Variants in BTRC observed in about 807,000 individuals in gnomAD.
BTRC encodes the protein beta-transducin repeat containing E3 ubiquitin protein ligase.
In BTRC, 42 loss-of-function variants were observed where a neutral mutation model predicts 85.5. The observed-to-expected ratio is 0.49, with a 90% CI of 0.38 to 0.64. BTRC has a LOEUF of 0.64. BTRC is among the 30% of genes least tolerant of loss of function. The pLI, the probability that BTRC is intolerant of heterozygous loss-of-function variation, is 0.00. For missense variants in BTRC, 594 were observed against 743.5 expected, an observed-to-expected ratio of 0.80 and a Z score of 2.34; for synonymous variants, 255 against 263.3, an observed-to-expected ratio of 0.97 and a Z score of 0.30.
chr10:101,381,314 G>A (rs1256948768), intron 1 of BTRC, among the ~76,000 whole-genome samples: 4 of 152,156 alleles, frequency 2.6e-5, no homozygotes, highest in Non-Finnish European at 4.4e-5. Context: ...AGATCAAACA[G>A]TTTGTGAATG....
intron 1 of BTRC, among the ~76,000 whole-genome samples, chr10:101,416,066 T>C (rs1263392488): frequency 6.6e-6 from 1 of 152,200 alleles, no homozygotes; most frequent in Non-Finnish European, 1.5e-5. Context: ...TAGTGATGCA[T>C]TTCTCAGAAT....
At chr10:101,508,937 C>T (rs376880904) in intron 4 of BTRC, among the ~76,000 whole-genome samples, 1 of 98,428 alleles carries the variant, frequency 1.0e-5, no homozygotes, top group Non-Finnish European at 2.4e-5. Context: ...AAAAAAAAAA[C>T]TAAAAGTAGA....
At chr10:101,424,246 A>G (rs559144338) in intron 1 of BTRC, among the ~76,000 whole-genome samples, 112 of 152,294 alleles carry the variant, frequency 7.4e-4, no homozygotes, top group African/African-American at 2.6e-3. Context: ...AAGAAAAAAA[A>G]AGAATCCTTG....
intron 1 of BTRC, among the ~76,000 whole-genome samples, chr10:101,411,196 G>A (rs1295478586): frequency 6.6e-6 from 1 of 151,954 alleles, no homozygotes; most frequent in Admixed American, 6.6e-5. Flanking sequence ...ATTTCACCAT[G>A]TTGGCCAGGC....
At chr10:101,364,405 A>G (rs1401357432) in intron 1 of BTRC, among the ~76,000 whole-genome samples, 1 of 152,154 alleles carries the variant, frequency 6.6e-6, no homozygotes, top group Non-Finnish European at 1.5e-5. Context: ...GCTTGATGTC[A>G]CTGGAATGGC....
chr10:101,548,967 C>T (rs372912956), intron 13 of BTRC, among the ~76,000 whole-genome samples: 5 of 151,058 alleles, frequency 3.3e-5, no homozygotes, highest in African/African-American at 7.3e-5. Context: ...GCAGGAGAAT[C>T]GCTTGAACCC....
chr10:101,517,909 C>G (rs200568330), intron 4 of BTRC, among the ~76,000 whole-genome samples: 1 of 116,142 alleles, frequency 8.6e-6, no homozygotes, highest in African/African-American at 3.0e-5. Flanking sequence ...GAAGTAGTGT[C>G]TTTTTTTTTT....
intron 14 of BTRC, chr10:101,551,181 G>T: frequency 4.3e-6 from 1 of 232,360 alleles, no homozygotes; most frequent in Middle Eastern, 1.3e-3. Flanking sequence ...AATGAGATTT[G>T]AATCAGTTTG....
chr10:101,366,976 TTATATATTTATATATATTAATA>T (rs1311082187), intron 1 of BTRC, among the ~76,000 whole-genome samples: 1 of 58,806 alleles, frequency 1.7e-5, no homozygotes, highest in African/African-American at 6.1e-5. Context: ...AAATATATAT[TTATATATTTATATATATTAATA>T]TATATATTTA....
At chr10:101,542,243 GAGCAT>G (rs1443692246) in intron 13 of BTRC, among the ~76,000 whole-genome samples, 1 of 151,806 alleles carries the variant, frequency 6.6e-6, no homozygotes, top group African/African-American at 2.4e-5. Flanking sequence ...TGCCTGTTAG[GAGCAT>G]AGTCCTGTTT....
At chr10:101,432,185 T>A (rs967663416) in intron 2 of BTRC, among the ~76,000 whole-genome samples, 7 of 151,796 alleles carry the variant, frequency 4.6e-5, no homozygotes, top group African/African-American at 1.5e-4. Context: ...TAGAGTGCAG[T>A]GGCACAATCT....
Position 101,389,119 on chromosome 10 carries a change from GTTTT to G in BTRC, c.48+34917_48+34920del, listed in dbSNP as rs1188561028. Among the ~76,000 whole-genome samples, 15 of 41,548 alleles carry G rather than the reference GTTTT, an allele frequency of 3.6e-4. No homozygotes were observed. The East Asian group carries it at 4.1e-3, about 11-fold the overall frequency. 27.3% of individuals were successfully genotyped at this position (41,548 alleles called of 152,430 possible). ...TGCATAATTGTGATTTTTTGTGTGT[GTTTT>G]TTTTTTTTTTTTTTTTTTTTTTTTT... On this transcript the variant is annotated intron_variant, in intron 1 of 14. Transcript: ENST00000370187.
rs187981658 is a variant in BTRC at position 101,541,549 on chromosome 10, C to T, written c.1656+3178C>T. Among the ~76,000 whole-genome samples the T allele has an allele frequency of 3.6e-4, 55 of 152,242 alleles. 1 individual carries two copies. The East Asian group carries it at 9.4e-3, about 26-fold the overall frequency. On this transcript the variant is annotated intron_variant, in intron 13 of 14. Transcript: ENST00000370187. Reference sequence around the variant, plus strand: ...TGCTGGGATTACAGGCGTGAACCACCGCGCCCGGCCTAGGGTTTTTCATAG... The same window carrying T: ...TGCTGGGATTACAGGCGTGAACCACTGCGCCCGGCCTAGGGTTTTTCATAG...
At chr10:101,392,959 G>A (rs533270278) in intron 1 of BTRC, among the ~76,000 whole-genome samples, 65 of 152,238 alleles carry the variant, frequency 4.3e-4, no homozygotes, top group African/African-American at 1.4e-3. Context: ...GGCCTCAGCC[G>A]CAGACCTCAG....
chr10:101,534,778 T>A lies in BTRC; in HGVS notation c.1215T>A (p.Ile405=). The A allele has an allele frequency of 6.2e-7, 1 of 1,614,186 alleles. No homozygotes were observed. Among genetic ancestry groups the A allele is most frequent in the Non-Finnish European group, 8.5e-7 (1 of 1,180,008 alleles). Residue 405 remains isoleucine, a synonymous_variant, in exon 10 of 15, where the codon ATT becomes ATA. Transcript: ENST00000370187. ...MMVTCSKDRS[I]AVWDMASPTD... ...TGACCTGCTCCAAAGATCGTTCCAT[T>A]GCTGTATGGGATATGGCCTCCCCAA...
chr10:101,453,091 A>G (rs950617608), intron 2 of BTRC, among the ~76,000 whole-genome samples: 3 of 152,216 alleles, frequency 2.0e-5, no homozygotes, highest in South Asian at 2.1e-4. Context: ...TTGTAAAATA[A>G]TAATTTCTGT....
At chr10:101,366,946 ATT>A (rs1564730495) in intron 1 of BTRC, among the ~76,000 whole-genome samples, 12 of 38,040 alleles carry the variant, frequency 3.2e-4, no homozygotes, top group East Asian at 6.3e-4. Context: ...ATTTATATAT[ATT>A]TATATATATA....
At chr10:101,466,698 C>G (rs1945381680) in intron 3 of BTRC, among the ~76,000 whole-genome samples, 1 of 152,166 alleles carries the variant, frequency 6.6e-6, no homozygotes, top group Non-Finnish European at 1.5e-5. Context: ...GTTTTCAACA[C>G]CTTGCACGCT....
chr10:101,479,577 AC>A, intron 4 of BTRC, 120 bp downstream of exon 4: 1 of 659,172 alleles, frequency 1.5e-6, no homozygotes, highest in East Asian at 3.1e-5. Flanking sequence ...AGAAAAAAAT[AC>A]AAACAGGCAT....
Sources: gnomAD v4.1 joint callset for allele counts (sites outside exome capture counted in the v4.1 genomes callset) on GRCh38, gnomAD v4.1.1 for gene constraint, MANE v1.5 for transcripts, NCBI Gene and HGNC (gene_info 2026-07-23, HGNC 2026-07-21) for gene names.